AATK: variants seen among roughly 807,000 people sequenced by gnomAD.
AATK encodes serine/threonine-protein kinase LMTK1.
Under a neutral mutation model 114.3 loss-of-function variants are expected in AATK, and 91 were observed. The ratio of observed to expected loss-of-function variants is 0.80; its 90% CI spans 0.67 to 0.95. The LOEUF (loss-of-function observed/expected upper bound fraction) is 0.95. Ranked by LOEUF, AATK falls within the 40% of genes least tolerant of loss-of-function variation. The pLI is 0.00. For synonymous variants in AATK, 1,075 were observed against 916.5 expected (o/e 1.17, Z -3.12); for missense variants, 2,176 against 1,965.2 (o/e 1.11, Z -2.03).
Position 81,118,324 on chromosome 17 carries a change from TTCTCGGTCACCATCC to T in AATK, c.*63_*77del. ...CAGCCACCAGGACGTGGTCCCCACC[TTCTCGGTCACCATCC>T]TCGCTGCTGCCTGGCAGGGGCTCCG... On this transcript the variant is annotated 3_prime_UTR_variant, in exon 14 of 14. Transcript: ENST00000326724. The T allele has an allele frequency of 6.8e-7, 1 of 1,471,978 alleles. No individual in the cohort carries two copies. The highest frequency in any genetic ancestry group is 9.2e-7 in the Non-Finnish European group (1 of 1,081,096). The allele number at this position is 1,471,978 out of a possible 1,614,324, so 91.2% of individuals were successfully genotyped here.
rs571801557 is a variant in AATK, at chr17:81,137,984, G to A, written c.56-3483C>T. 1.2e-4 allele frequency among the ~76,000 whole-genome samples: 17 copies of A among 137,286 alleles called. No individual in the cohort carries two copies. In the South Asian group the frequency reaches 2.9e-3, roughly 23 times the overall value. The allele number at this position is 137,286 out of a possible 152,430, so 90.1% of individuals were successfully genotyped here. ...TCCACACACACGCAGACACCCACAC[G>A]CGTGCACACACCCCCACACACGTAC... is the stretch of plus-strand genomic sequence containing the variant. On this transcript the variant is annotated intron_variant, in intron 1 of 13. Transcript: ENST00000326724.
chr17:81,144,266 A>G (rs1337903438), intron 1 of AATK, among the ~76,000 whole-genome samples: 1 of 152,202 alleles, frequency 6.6e-6, no homozygotes. Flanking sequence ...TCACACAAAC[A>G]AATGGATCAG....
chr17:81,123,238 G>C lies in AATK; in HGVS notation c.1068C>G (p.Leu356=). 7.0e-7 allele frequency: 1 copy of C among 1,419,110 alleles called. No individual in the cohort carries two copies. Among genetic ancestry groups the C allele is most frequent in the Non-Finnish European group, 9.2e-7 (1 of 1,086,618 alleles). 87.9% of individuals were successfully genotyped at this position (1,419,110 alleles called of 1,614,324 possible). ...GCTGCAGCTGGGGCTTGGGCAGCTT[G>C]AGCTGCTGCTCCCGGACCGTGTACG... ...VLAYTVREQQ[L]KLPKPQLQLT... Residue 356 remains leucine (L), a synonymous_variant, in exon 10 of 14, where the codon CTC becomes CTG. Coordinates refer to ENST00000326724, the MANE Select transcript of AATK (RefSeq NM_001080395.3).
chr17:81,145,251 G>A (rs987384718), intron 1 of AATK, among the ~76,000 whole-genome samples: 21 of 56,582 alleles, frequency 3.7e-4, no homozygotes, highest in East Asian at 9.4e-4. Context: ...AAAAAAAAAA[G>A]AAAAAGAAAA....
At chr17:81,137,933 C>A (rs12940230) in intron 1 of AATK, among the ~76,000 whole-genome samples, 1 of 151,166 alleles carries the variant, frequency 6.6e-6, no homozygotes, top group Non-Finnish European at 1.5e-5. Flanking sequence ...CACAGCCACA[C>A]GCACACATCC....
In AATK at chr17:81,119,404, C is replaced by CA. The variant is rs2060658247; in HGVS notation, c.4059dup (p.Asp1354Ter). 1 of 1,554,524 alleles carries CA rather than the reference C, an allele frequency of 6.4e-7. No individual in the cohort carries two copies. The highest frequency in any genetic ancestry group is 8.6e-7 in the Non-Finnish European group (1 of 1,157,484). On this transcript the variant is annotated frameshift_variant, in exon 13 of 14. Coordinates refer to ENST00000326724, the MANE Select transcript of AATK (RefSeq NM_001080395.3). LOFTEE classifies it low-confidence loss of function (END_TRUNC). Reference sequence around the variant, plus strand: ...CCTCTCTTGGACTCGGCGTCCGAGTCAGACACGTGCGTGATGGAGAAGCGG... The same window carrying CA: ...CCTCTCTTGGACTCGGCGTCCGAGTCAAGACACGTGCGTGATGGAGAAGCGG...
rs538006330 is a variant in AATK at position 81,165,939 on chromosome 17, G to A, written c.54C>T (p.Pro18=). The A allele has an allele frequency of 2.4e-4, 372 of 1,581,148 alleles. 4 individuals carry two copies. The South Asian group carries it at 3.8e-3, about 16-fold the overall frequency. The change falls in exon 1 of 14, where the codon CCC becomes CCT. Residue 18 remains proline, a splice_region_variant and synonymous_variant. Coordinates refer to ENST00000326724, the MANE Select transcript of AATK (RefSeq NM_001080395.3). ...PSFAFSSHFD[P]DGAPLSELSW... ...CAGGCCGGGCCGCCAGGGACTCACC[G>A]GGGTCGAAGTGCGAGCTGAAGGCGA...
Position 81,119,482 on chromosome 17 carries a change from T to C in AATK, c.3982A>G (p.Thr1328Ala), listed in dbSNP as rs1054904537. 3 of 1,510,922 alleles carry C rather than the reference T, an allele frequency of 2.0e-6. No individual in the cohort carries two copies. The highest frequency in any genetic ancestry group is 8.8e-7 in the Non-Finnish European group (1 of 1,132,656). 93.6% of individuals were successfully genotyped at this position (1,510,922 alleles called of 1,614,324 possible). ...DPAAPAPAAP[T>A]PTPAPFSRFT... ...CGCGAGAAGGGAGCGGGCGTGGGCG[T>C]GGGCGCAGCCGGGGCGGGTGCGGCC... Residue 1328 changes from threonine to alanine, a missense_variant, in exon 13 of 14, where the codon ACG becomes GCG. Coordinates refer to ENST00000326724, the MANE Select transcript of AATK (RefSeq NM_001080395.3).
At chr17:81,118,931 C>T (rs1005333513) in intron 13 of AATK, among the ~76,000 whole-genome samples, 6 of 152,160 alleles carry the variant, frequency 3.9e-5, no homozygotes, top group Non-Finnish European at 8.8e-5. Flanking sequence ...TGAGCCCAGC[C>T]TGGGGTGGGG....
intron 1 of AATK, among the ~76,000 whole-genome samples, chr17:81,143,982 T>G (rs2061178975): frequency 6.6e-6 from 1 of 152,180 alleles, no homozygotes; most frequent in Non-Finnish European, 1.5e-5. Flanking sequence ...GGGTTGCCCC[T>G]GCATGCTTCC....
At chr17:81,143,684 T>TGAGGCCAGGACTGTGTG (rs1348175805) in intron 1 of AATK, among the ~76,000 whole-genome samples, 3 of 152,144 alleles carry the variant, frequency 2.0e-5, no homozygotes, top group Non-Finnish European at 4.4e-5. Context: ...CCACCCCTGA[T>TGAGGCCAGGACTGTGTG]GAGGCCAGGA....
Position 81,122,679 on chromosome 17 carries a change from G to A in AATK, c.1257C>T (p.Pro419=), listed in dbSNP as rs2060715083. The A allele has an allele frequency of 3.3e-6, 5 of 1,533,100 alleles. No homozygotes were observed. The highest frequency in any genetic ancestry group is 2.5e-5 in the East Asian group (1 of 39,258). The allele number at this position is 1,533,100 out of a possible 1,614,324, so 95.0% of individuals were successfully genotyped here. The stretch of plus-strand genomic sequence containing the variant: ...GCCCGGGCCCCACGCCGCCCCCGCC[G>A]GGCCGCAGAGAGCGCCAGCGCCGTT... ...EFERRWRSLR[P]GGGGVGPGPG... is the part of the protein sequence containing the mutation. The change falls in exon 11 of 14, where the codon CCC becomes CCT. Residue 419 remains proline, a synonymous_variant. Coordinates refer to ENST00000326724, the MANE Select transcript of AATK (RefSeq NM_001080395.3).
At chr17:81,133,267 A>C in intron 2 of AATK, 1 of 479,786 alleles carries the variant, frequency 2.1e-6, no homozygotes, top group Non-Finnish European at 4.3e-6. Context: ...AAAGGCAAAA[A>C]GGCCACATCC....
intron 1 of AATK, among the ~76,000 whole-genome samples, chr17:81,142,540 G>A (rs1297279443): frequency 2.0e-5 from 3 of 152,210 alleles, no homozygotes; most frequent in African/African-American, 7.2e-5. Context: ...CAGTTTCAAA[G>A]TTAATGTCTA....
chr17:81,129,499 C>T lies in AATK; in HGVS notation c.335-950G>A, dbSNP rs548905915. The stretch of plus-strand genomic sequence containing the variant: ...CGGTCCCCAGCGGGTGGGGCCATTG[C>T]CCAGGTTTCTCCCCGCTGACCTCTG... On this transcript the variant is annotated intron_variant, in intron 3 of 13. Transcript: ENST00000326724. 1.5e-3 allele frequency among the ~76,000 whole-genome samples: 223 copies of T among 152,296 alleles called. 2 individuals carry two copies. Among genetic ancestry groups the T allele is most frequent in the Middle Eastern group, 6.8e-3 (2 of 294 alleles).
chr17:81,156,509 T>C (rs1326824591), intron 1 of AATK, among the ~76,000 whole-genome samples: 1 of 152,172 alleles, frequency 6.6e-6, no homozygotes, highest in East Asian at 1.9e-4. Context: ...GCCATTCTCC[T>C]GCCTCAGCCT....
chr17:81,139,444 C>G (rs2061089238), intron 1 of AATK, among the ~76,000 whole-genome samples: 1 of 149,664 alleles, frequency 6.7e-6, no homozygotes, highest in South Asian at 2.1e-4. Context: ...TTGCACACGG[C>G]TTTGTTTCTG....
At chr17:81,146,600 C>T (rs2061224121) in intron 1 of AATK, among the ~76,000 whole-genome samples, 1 of 152,042 alleles carries the variant, frequency 6.6e-6, no homozygotes, top group African/African-American at 2.4e-5. Flanking sequence ...CCTGTAGTCC[C>T]AGCTACTCGG....
chr17:81,119,486 C>CGTGGGT lies in AATK; in HGVS notation c.3977_3978insACCCAC (p.Thr1330_Pro1331dup). The CGTGGGT allele has an allele frequency of 6.6e-7, 1 of 1,516,426 alleles. No homozygotes were observed. Among genetic ancestry groups the CGTGGGT allele is most frequent in the Non-Finnish European group, 8.8e-7 (1 of 1,135,342 alleles). The allele number at this position is 1,516,426 out of a possible 1,614,324, so 93.9% of individuals were successfully genotyped here. On this transcript the variant is annotated inframe_insertion, in exon 13 of 14. Transcript: ENST00000326724. ...AGAAGGGAGCGGGCGTGGGCGTGGG[C>CGTGGGT]GCAGCCGGGGCGGGTGCGGCCGGGT... is the stretch of plus-strand genomic sequence containing the variant.
Sources: allele counts gnomAD v4.1 joint callset (sites outside exome capture counted in the v4.1 genomes callset), GRCh38; gene constraint gnomAD v4.1.1; transcripts MANE v1.5; gene names NCBI Gene and HGNC (gene_info 2026-07-23, HGNC 2026-07-21).